IMMP2L: variants seen among roughly 807,000 people sequenced by gnomAD.
The protein encoded by IMMP2L is inner mitochondrial membrane peptidase subunit 2.
A neutral mutation model predicts 19.3 loss-of-function variants in IMMP2L; 18 were observed. The observed-to-expected ratio is 0.93, with a 90% CI of 0.64 to 1.38. The LOEUF (loss-of-function observed/expected upper bound fraction) is 1.38, where lower values mean the gene tolerates loss of function less well. IMMP2L is among the 40% of genes most tolerant of loss of function. IMMP2L has a pLI of 0.00. For missense variants in IMMP2L, 233 were observed against 218.2 expected, an observed-to-expected ratio of 1.07 and a Z score of -0.43; for synonymous variants, 76 against 73.0, an observed-to-expected ratio of 1.04 and a Z score of -0.21.
At chr7:111,071,756 G>C (rs529141356) in intron 3 of IMMP2L, among the ~76,000 whole-genome samples, 4 of 152,086 alleles carry the variant, frequency 2.6e-5, no homozygotes, top group African/African-American at 7.2e-5. Flanking sequence ...ACTGCTTAAT[G>C]GGTACAGTTT....
intron 3 of IMMP2L, among the ~76,000 whole-genome samples, chr7:111,269,832 C>A (rs1562989224): frequency 6.6e-6 from 1 of 152,132 alleles, no homozygotes; most frequent in Non-Finnish European, 1.5e-5. Flanking sequence ...AAAATCCACT[C>A]AGAAATTTTC....
intron 5 of IMMP2L, among the ~76,000 whole-genome samples, chr7:110,846,128 T>C (rs1585011760): frequency 6.6e-6 from 1 of 152,282 alleles, no homozygotes; most frequent in Admixed American, 6.5e-5. Flanking sequence ...AATCAGGTGA[T>C]TTGTTATCAC....
At chr7:111,181,123 T>C (rs1807660002) in intron 3 of IMMP2L, among the ~76,000 whole-genome samples, 2 of 152,058 alleles carry the variant, frequency 1.3e-5, no homozygotes, top group South Asian at 4.1e-4. Context: ...ATGTTCTTAT[T>C]ACTATATTGT....
intron 3 of IMMP2L, among the ~76,000 whole-genome samples, chr7:111,284,511 T>C (rs1026481684): frequency 8.5e-5 from 13 of 152,134 alleles, no homozygotes; most frequent in African/African-American, 2.9e-4. Context: ...AAATCCATGA[T>C]TCTTAGAAGT....
At chr7:110,920,971 C>A (rs1480587703) in intron 4 of IMMP2L, among the ~76,000 whole-genome samples, 2 of 152,018 alleles carry the variant, frequency 1.3e-5, no homozygotes, top group Admixed American at 1.3e-4. Flanking sequence ...CTGTGAAGTC[C>A]TTTTTCTTTT....
intron 5 of IMMP2L, among the ~76,000 whole-genome samples, chr7:110,838,529 A>G (rs954167661): frequency 6.6e-5 from 10 of 152,068 alleles, no homozygotes; most frequent in Non-Finnish European, 1.5e-5. Flanking sequence ...TAATCTATTC[A>G]TGGTTAATGG....
At chr7:110,801,034 A>G (rs1296207543) in intron 5 of IMMP2L, among the ~76,000 whole-genome samples, 1 of 152,086 alleles carries the variant, frequency 6.6e-6, no homozygotes, top group Non-Finnish European at 1.5e-5. Context: ...ACCAAAGCAC[A>G]TGACTTACAG....
intron 3 of IMMP2L, among the ~76,000 whole-genome samples, chr7:111,475,364 C>T (rs1012629858): frequency 2.0e-5 from 3 of 151,806 alleles, no homozygotes; most frequent in African/African-American, 4.8e-5. Context: ...TATCAGCTAC[C>T]GACACATTTC....
intron 5 of IMMP2L, among the ~76,000 whole-genome samples, chr7:110,764,381 C>G (rs1798532551): frequency 6.6e-6 from 1 of 152,010 alleles, no homozygotes; most frequent in Non-Finnish European, 1.5e-5. Context: ...TTCATTTAAT[C>G]ATAAAGCAAT....
At chr7:111,088,829 G>T (rs989970950) in intron 3 of IMMP2L, among the ~76,000 whole-genome samples, 4 of 152,070 alleles carry the variant, frequency 2.6e-5, no homozygotes, top group African/African-American at 9.7e-5. Flanking sequence ...CCTGATAAGT[G>T]AAAAAACACC....
chr7:110,954,090 G>A (rs1399006405), intron 4 of IMMP2L, among the ~76,000 whole-genome samples: 1 of 152,268 alleles, frequency 6.6e-6, no homozygotes, highest in African/African-American at 2.4e-5. Context: ...TGATTAGCGA[G>A]AGAGAAATGA....
At chr7:110,888,608 T>C (rs1186226772) in intron 4 of IMMP2L, among the ~76,000 whole-genome samples, 2 of 152,186 alleles carry the variant, frequency 1.3e-5, no homozygotes, top group African/African-American at 2.4e-5. Flanking sequence ...TTTAATGTCA[T>C]ATAAGCCAAG....
Position 111,191,475 on chromosome 7 carries a change from A to ACAC in IMMP2L, c.240-227911_240-227910insGTG, listed in dbSNP as rs1562906837. On this transcript the variant is annotated intron_variant, in intron 3 of 5. Transcript: ENST00000405709. ...ACACACACACACACACACACACACA[A>ACAC]AACTTATATGCTTTTACATCTAAAC... 4.0e-4 allele frequency among the ~76,000 whole-genome samples: 53 copies of ACAC among 131,996 alleles called. 1 individual carries two copies. The highest frequency in any genetic ancestry group is 1.4e-3 in the African/African-American group (48 of 33,854). 86.6% of individuals were successfully genotyped at this position (131,996 alleles called of 152,430 possible). A position where few individuals can be genotyped will look rare whatever the true frequency, so the allele number is the denominator to read the frequency against.
intron 3 of IMMP2L, among the ~76,000 whole-genome samples, chr7:111,436,539 A>ACCCC (rs1554498174): frequency 2.6e-5 from 4 of 151,466 alleles, no homozygotes; most frequent in African/African-American, 9.7e-5. Flanking sequence ...ACACACACAC[A>ACCCC]CCCCACACAT....
intron 3 of IMMP2L, among the ~76,000 whole-genome samples, chr7:111,094,682 A>G (rs1797221629): frequency 6.6e-6 from 1 of 152,124 alleles, no homozygotes; most frequent in Non-Finnish European, 1.5e-5. Context: ...GCTCCTGCAC[A>G]GAGCTCAGGG....
intron 3 of IMMP2L, among the ~76,000 whole-genome samples, chr7:111,135,325 T>C (rs968711226): frequency 5.3e-5 from 8 of 152,182 alleles, no homozygotes; most frequent in Non-Finnish European, 8.8e-5. Flanking sequence ...TTTAATTTAT[T>C]ATCCATGCTA....
chr7:111,349,209 AAT>A (rs1584746941), intron 3 of IMMP2L, among the ~76,000 whole-genome samples: 1 of 152,276 alleles, frequency 6.6e-6, no homozygotes, highest in East Asian at 1.9e-4. Flanking sequence ...TTTTCACTAA[AAT>A]ATTGGCAAAA....
chr7:110,983,608 T>C (rs1821535620), intron 3 of IMMP2L, among the ~76,000 whole-genome samples: 1 of 152,062 alleles, frequency 6.6e-6, no homozygotes, highest in Non-Finnish European at 1.5e-5. Context: ...AAATATTTAT[T>C]GGATTCTACC....
At chr7:111,430,568 T>A (rs1416274403) in intron 3 of IMMP2L, among the ~76,000 whole-genome samples, 1 of 151,750 alleles carries the variant, frequency 6.6e-6, no homozygotes, top group Non-Finnish European at 1.5e-5. Flanking sequence ...AGACTCTCCA[T>A]CCTCAAACCA....
Sources: allele counts gnomAD v4.1 joint callset (sites outside exome capture counted in the v4.1 genomes callset), GRCh38; gene constraint gnomAD v4.1.1; transcripts MANE v1.5; gene names NCBI Gene and HGNC (gene_info 2026-07-23, HGNC 2026-07-21).